The following ESRRG variants were observed in gnomAD, a reference collection of about 807,000 sequenced individuals.
ESRRG encodes estrogen-related receptor gamma.
In ESRRG, 13 loss-of-function variants were observed where a neutral mutation model predicts 44.0. The ratio of observed to expected loss-of-function variants is 0.30; its 90% confidence interval spans 0.19 to 0.47. ESRRG has a LOEUF of 0.47. ESRRG is among the 20% of genes least tolerant of loss of function. The probability of loss-of-function intolerance (pLI) is 1.00; values close to 1 mark genes in which losing one functional copy is unlikely to be tolerated. For missense variants in ESRRG, 395 were observed against 580.6 expected (o/e 0.68, Z 3.29); for synonymous variants, 215 against 214.6 (o/e 1.00, Z -0.02).
chr1:216,750,304 C>A (rs200133110), intron 2 of ESRRG, among the ~76,000 whole-genome samples: 201 of 152,226 alleles, frequency 1.3e-3, no homozygotes, highest in African/African-American at 4.7e-3. Context: ...AGCTAGCCAA[C>A]CTCTCAGTAC....
chr1:217,030,339 A>T (rs1427099633), intron 1 of ESRRG, among the ~76,000 whole-genome samples: 1 of 152,182 alleles, frequency 6.6e-6, no homozygotes. Flanking sequence ...CGCATGGGAT[A>T]AACAGACCAC....
chr1:217,005,281 A>T (rs2077574493), intron 1 of ESRRG, among the ~76,000 whole-genome samples: 2 of 152,210 alleles, frequency 1.3e-5, no homozygotes, highest in Admixed American at 1.3e-4. Context: ...AATCATGACC[A>T]GAGCGGTAGA....
At chr1:216,902,290 A>G (rs1021732760) in intron 2 of ESRRG, among the ~76,000 whole-genome samples, 29 of 152,276 alleles carry the variant, frequency 1.9e-4, no homozygotes, top group Non-Finnish European at 2.6e-4. Context: ...GGAGTTTCAG[A>G]CCAGCCTTGC....
intron 5 of ESRRG, among the ~76,000 whole-genome samples, chr1:216,551,278 T>TA (rs1490833917): frequency 2.7e-4 from 41 of 152,310 alleles, no homozygotes; most frequent in Admixed American, 3.3e-4. Context: ...CATAAATGAA[T>TA]AGGCATGAGC....
intron 2 of ESRRG, among the ~76,000 whole-genome samples, chr1:216,776,889 C>T (rs1296217413): frequency 6.6e-6 from 1 of 152,156 alleles, no homozygotes; most frequent in Admixed American, 6.6e-5. Flanking sequence ...GAGCCACACA[C>T]CTTCACAACC....
chr1:216,659,293 TGAAA>T (rs756887217), intron 2 of ESRRG, among the ~76,000 whole-genome samples: 4 of 152,326 alleles, frequency 2.6e-5, no homozygotes, highest in Non-Finnish European at 5.9e-5. Context: ...TCAGAAACAC[TGAAA>T]GATTTTGTCC....
rs538077892 is a variant in ESRRG, at chr1:217,041,168, C to T, written c.-106+48339G>A. 9.8e-4 allele frequency among the ~76,000 whole-genome samples: 149 copies of T among 152,054 alleles called. 1 individual carries two copies. The Middle Eastern group carries it at 0.01, about 10-fold the overall frequency. On this transcript the variant is annotated intron_variant, in intron 1 of 7. Coordinates refer to the ESRRG transcript ENST00000359162. ...TTCTCATCTTTTTCATAAAAAAACA[C>T]GAAATCACAGAGACCCAGGGATCTC... is the stretch of plus-strand genomic sequence containing the variant.
At chr1:216,682,741 T>TGTGTGTGTGTGTGTGTGTG (rs1553496190) in intron 1 of ESRRG, among the ~76,000 whole-genome samples, 39 of 151,198 alleles carry the variant, frequency 2.6e-4, no homozygotes, top group South Asian at 4.2e-4. Context: ...TGTGTGTGTG[T>TGTGTGTGTGTGTGTGTGTG]TTTATGCTTT....
rs11572600 is a variant in ESRRG, at chr1:216,801,840, G to A, written c.-13-124349C>T. On this transcript the variant is annotated intron_variant, in intron 2 of 7. Transcript: ENST00000359162. ...AGTTACCAATTCTTGATAATTAGGA[G>A]TTGATTTCTACTTCAGAGGAAATCC... is the stretch of plus-strand genomic sequence containing the variant. 3.5e-3 allele frequency among the ~76,000 whole-genome samples: 540 copies of A among 152,230 alleles called. 15 individuals carry two copies. The East Asian group carries it at 0.053, about 15-fold the overall frequency.
chr1:216,916,889 T>G (rs2061259005), intron 2 of ESRRG, among the ~76,000 whole-genome samples: 1 of 114,072 alleles, frequency 8.8e-6, no homozygotes, highest in South Asian at 3.1e-4. Flanking sequence ...TTTTTTGCTA[T>G]GTAACTGACC....
chr1:216,684,550 T>C (rs2077582569), intron 1 of ESRRG, among the ~76,000 whole-genome samples: 1 of 152,228 alleles, frequency 6.6e-6, no homozygotes. Context: ...TAATTAACCA[T>C]CTGAGCTTTT....
chr1:216,906,487 A>G (rs1267049455), intron 2 of ESRRG, among the ~76,000 whole-genome samples: 2 of 152,154 alleles, frequency 1.3e-5, no homozygotes, highest in African/African-American at 2.4e-5. Context: ...TACAGCCTCA[A>G]TTGAACAGCA....
intron 5 of ESRRG, among the ~76,000 whole-genome samples, chr1:216,532,609 A>C (rs1233882776): frequency 2.6e-5 from 4 of 152,124 alleles, no homozygotes; most frequent in African/African-American, 9.7e-5. Context: ...AGGCAGTGAC[A>C]CTCGGTGTGT....
intron 5 of ESRRG, among the ~76,000 whole-genome samples, chr1:216,544,719 A>G (rs2053949981): frequency 6.6e-6 from 1 of 151,298 alleles, no homozygotes; most frequent in Non-Finnish European, 1.5e-5. Context: ...TTCTCAGGTC[A>G]CCTAGAAAAA....
chr1:216,929,763 G>C (rs1219324162), intron 2 of ESRRG, among the ~76,000 whole-genome samples: 1 of 152,136 alleles, frequency 6.6e-6, no homozygotes, highest in African/African-American at 2.4e-5. Flanking sequence ...TAGACTTTTT[G>C]TCCTAAATGC....
intron 1 of ESRRG, among the ~76,000 whole-genome samples, chr1:217,008,879 C>A (rs967376516): frequency 6.6e-6 from 1 of 152,142 alleles, no homozygotes; most frequent in Non-Finnish European, 1.5e-5. Context: ...CACCAAAAAC[C>A]AGGTATATTC....
intron 2 of ESRRG, among the ~76,000 whole-genome samples, chr1:216,832,995 C>T (rs2095509942): frequency 1.3e-5 from 2 of 150,750 alleles, no homozygotes; most frequent in African/African-American, 4.9e-5. Flanking sequence ...AATTCCTCTA[C>T]TGCCATCATG....
At chr1:216,990,838 A>G (rs1305608178) in intron 1 of ESRRG, among the ~76,000 whole-genome samples, 1 of 152,162 alleles carries the variant, frequency 6.6e-6, no homozygotes, top group East Asian at 1.9e-4. Flanking sequence ...AGTTTAGAGG[A>G]GTCAAAAAGT....
intron 2 of ESRRG, among the ~76,000 whole-genome samples, chr1:216,759,273 G>C (rs1446193945): frequency 6.6e-6 from 1 of 152,128 alleles, no homozygotes; most frequent in African/African-American, 2.4e-5. Flanking sequence ...CTCAGGCTCA[G>C]ATAGCAAAGG....
Sources: allele counts gnomAD v4.1 joint callset (sites outside exome capture counted in the v4.1 genomes callset), GRCh38; gene constraint gnomAD v4.1.1; transcripts MANE v1.5; gene names NCBI Gene and HGNC (gene_info 2026-07-23, HGNC 2026-07-21).